Variants in PTPRT observed in about 807,000 individuals in gnomAD.
PTPRT encodes the protein receptor-type tyrosine-protein phosphatase T.
PTPRT carries 56 observed loss-of-function variants against 176.8 expected under a neutral mutation model. That is an observed-to-expected ratio of 0.32 (90% confidence interval 0.26 to 0.40). The LOEUF is 0.40. Among genes scored for constraint, PTPRT ranks in the 10% least tolerant of loss-of-function variants. PTPRT has a pLI of 1.00. For synonymous variants in PTPRT, 783 were observed against 739.0 expected (o/e 1.06, Z -0.96); for missense variants, 1,540 against 1,908.2 (o/e 0.81, Z 3.60).
intron 7 of PTPRT, among the ~76,000 whole-genome samples, chr20:42,589,824 G>T (rs1158834982): frequency 6.6e-6 from 1 of 152,136 alleles, no homozygotes; most frequent in African/African-American, 2.4e-5. Context: ...CTTAAATCAT[G>T]CATTTACAAA....
At chr20:42,118,561 T>A (rs1174839180) in intron 20 of PTPRT, 61 bp from the exon 21 acceptor site, 6 of 1,472,206 alleles carry the variant, frequency 4.1e-6, no homozygotes, top group Non-Finnish European at 5.6e-6. Flanking sequence ...GCTGAGAAGG[T>A]TTGTCCCCCC....
intron 1 of PTPRT, among the ~76,000 whole-genome samples, chr20:42,960,612 G>A (rs1981931818): frequency 6.6e-6 from 1 of 151,978 alleles, no homozygotes; most frequent in Non-Finnish European, 1.5e-5. Context: ...ATGTGTAGTC[G>A]CCAGCCTGCA....
At chr20:43,013,117 A>T (rs80341037) in intron 1 of PTPRT, among the ~76,000 whole-genome samples, 4,889 of 151,864 alleles carry the variant, frequency 0.032, 261 homozygotes, top group African/African-American at 0.11. Context: ...ATATCTGCTT[A>T]TGTACTGTAT....
intron 16 of PTPRT, among the ~76,000 whole-genome samples, chr20:42,163,622 T>C (rs1989703219): frequency 1.3e-5 from 2 of 152,160 alleles, no homozygotes. Flanking sequence ...CCCTCAAGGC[T>C]TGACTGTCTA....
intron 7 of PTPRT, among the ~76,000 whole-genome samples, chr20:42,522,304 C>T (rs929911074): frequency 2.0e-5 from 3 of 151,292 alleles, no homozygotes; most frequent in Admixed American, 2.0e-4. Context: ...AATTTATTTC[C>T]TGAGTCCTAT....
intron 1 of PTPRT, among the ~76,000 whole-genome samples, chr20:42,972,708 A>G (rs1982727173): frequency 6.6e-6 from 1 of 151,132 alleles, no homozygotes. Context: ...AGGAAGAAGA[A>G]GAATTTGAGC....
At chr20:42,335,723 T>A (rs1246223137) in intron 11 of PTPRT, among the ~76,000 whole-genome samples, 1 of 152,146 alleles carries the variant, frequency 6.6e-6, no homozygotes, top group African/African-American at 2.4e-5. Context: ...AAAAGAGTAT[T>A]TAAAGGCAAA....
intron 11 of PTPRT, among the ~76,000 whole-genome samples, chr20:42,324,706 C>T (rs943388639): frequency 6.6e-6 from 1 of 152,190 alleles, no homozygotes; most frequent in Non-Finnish European, 1.5e-5. Flanking sequence ...CCAACAGAAT[C>T]TAGCTTTGCA....
At chr20:43,104,406 C>T (rs1202531847) in intron 1 of PTPRT, among the ~76,000 whole-genome samples, 1 of 152,114 alleles carries the variant, frequency 6.6e-6, no homozygotes, top group Non-Finnish European at 1.5e-5. Flanking sequence ...AGTCAATCAA[C>T]ATAACAAAGC....
At chr20:42,180,573 A>G (rs1162851381) in intron 16 of PTPRT, among the ~76,000 whole-genome samples, 1 of 152,230 alleles carries the variant, frequency 6.6e-6, no homozygotes, top group Non-Finnish European at 1.5e-5. Flanking sequence ...CTAGAAAGAC[A>G]GGGAATTTTT....
chr20:42,575,882 C>T (rs941887988), intron 7 of PTPRT, among the ~76,000 whole-genome samples: 24 of 152,150 alleles, frequency 1.6e-4, no homozygotes, highest in Non-Finnish European at 3.4e-4. Context: ...GCTCCCTCCC[C>T]GCCTGCCTCC....
intron 9 of PTPRT, among the ~76,000 whole-genome samples, chr20:42,436,807 T>C (rs1481709620): frequency 1.3e-5 from 2 of 152,222 alleles, no homozygotes; most frequent in Non-Finnish European, 1.5e-5. Context: ...AGTGAAAGTT[T>C]TGTAGTATCT....
rs1555901149 is a variant in PTPRT, at chr20:42,698,878, T to TGAATGAATGAATGAAC, written c.860-20720_860-20719insGTTCATTCATTCATTC. ...ATGAATGAATGAATGAATGAATGAATGAACGAACAAATAAATGGCCCTTCT... is the reference window on the plus strand; with the variant it reads ...ATGAATGAATGAATGAATGAATGAATGAATGAATGAATGAACGAACGAACAAATAAATGGCCCTTCT... On this transcript the variant is annotated intron_variant, in intron 6 of 30. Transcript: ENST00000373187. Among the ~76,000 whole-genome samples, 26 of 152,188 alleles carry TGAATGAATGAATGAAC rather than the reference T, an allele frequency of 1.7e-4. 1 individual carries two copies. The South Asian group carries it at 5.0e-3, about 29-fold the overall frequency.
chr20:42,799,958 A>G (rs1265875496), intron 2 of PTPRT, among the ~76,000 whole-genome samples: 1 of 152,184 alleles, frequency 6.6e-6, no homozygotes, highest in Non-Finnish European at 1.5e-5. Context: ...GGTGGGAAGG[A>G]AAGATCTTTC....
intron 13 of PTPRT, among the ~76,000 whole-genome samples, chr20:42,275,981 T>A (rs1248683225): frequency 1.3e-5 from 2 of 152,156 alleles, no homozygotes; most frequent in Non-Finnish European, 2.9e-5. Flanking sequence ...ACAAGATTTA[T>A]AAAGACTGAA....
chr20:42,570,213 C>T (rs1425864819), intron 7 of PTPRT, among the ~76,000 whole-genome samples: 2 of 152,076 alleles, frequency 1.3e-5, no homozygotes, highest in Non-Finnish European at 2.9e-5. Flanking sequence ...CAAAGGTGAC[C>T]CTTGGACAGA....
chr20:42,907,267 G>T (rs557441724), intron 1 of PTPRT, among the ~76,000 whole-genome samples: 1 of 152,258 alleles, frequency 6.6e-6, no homozygotes, highest in East Asian at 1.9e-4. Context: ...GAAACAAGAA[G>T]AGAAAGCCAC....
chr20:42,719,807 G>A (rs1476136021), intron 6 of PTPRT, among the ~76,000 whole-genome samples: 1 of 152,186 alleles, frequency 6.6e-6, no homozygotes, highest in African/African-American at 2.4e-5. Context: ...GATACCCAGA[G>A]AAGAAGCAGA....
At chr20:42,568,113 C>T (rs1225403267) in intron 7 of PTPRT, among the ~76,000 whole-genome samples, 1 of 152,010 alleles carries the variant, frequency 6.6e-6, no homozygotes, top group Non-Finnish European at 1.5e-5. Flanking sequence ...GGATTACATG[C>T]ACCCACCACC....
Sources: gnomAD v4.1 joint callset for allele counts (sites outside exome capture counted in the v4.1 genomes callset) on GRCh38, gnomAD v4.1.1 for gene constraint, MANE v1.5 for transcripts, NCBI Gene and HGNC (gene_info 2026-07-23, HGNC 2026-07-21) for gene names.